Variants in KRT7 observed in about 807,000 individuals in gnomAD.
KRT7 encodes keratin 7, also known as keratin, type II cytoskeletal 7.
KRT7 carries 50 observed loss-of-function variants against 42.8 expected under a neutral mutation model. The observed-to-expected ratio is 1.17, with a 90% CI of 0.93 to 1.48. The LOEUF (loss-of-function observed/expected upper bound fraction) is 1.48. KRT7 is among the 40% of genes most tolerant of loss of function. KRT7 has a pLI of 0.00. For missense variants in KRT7, 588 were observed against 637.6 expected, an observed-to-expected ratio of 0.92 and a Z score of 0.84; for synonymous variants, 268 against 266.3, an observed-to-expected ratio of 1.01 and a Z score of -0.06.
chr12:52,255,778 C>T (rs1299361807), downstream of KRT7, among the ~76,000 whole-genome samples: 1 of 152,222 alleles, frequency 6.6e-6, no homozygotes, highest in Non-Finnish European at 1.5e-5. Context: ...CAGAGCCCAA[C>T]ATAGCACCTA....
downstream of KRT7, chr12:52,250,525 C>T (rs555607269): frequency 1.3e-5 from 11 of 863,480 alleles, no homozygotes; most frequent in East Asian, 1.6e-4. Flanking sequence ...GCACACAGGC[C>T]GGTGCTCACC....
downstream of KRT7, among the ~76,000 whole-genome samples, chr12:52,255,050 G>T (rs1639055851): frequency 6.6e-6 from 1 of 152,204 alleles, no homozygotes; most frequent in Non-Finnish European, 1.5e-5. Context: ...CCAGGCGCAG[G>T]GCCGAAGGAG....
At chr12:52,250,535 C>G, downstream of KRT7, 1 of 1,035,256 alleles carries the variant, frequency 9.7e-7, no homozygotes, top group Non-Finnish European at 1.4e-6. Context: ...CGGTGCTCAC[C>G]GCCACGTTCC....
In KRT7 at chr12:52,233,280, A is replaced by G. The variant is rs774713119; in HGVS notation, c.-17A>G. ...CTCCTCCTCGCCCGCCGCTAGGTCC[A>G]TCCCGGCCCAGCCACCATGTCCATC... is the stretch of plus-strand genomic sequence containing the variant. On this transcript the variant is annotated 5_prime_UTR_variant, in exon 1 of 9. Coordinates refer to ENST00000331817, the MANE Select transcript of KRT7 (RefSeq NM_005556.4). 4.6e-6 allele frequency: 7 copies of G among 1,530,762 alleles called. No individual in the cohort carries two copies. In the East Asian group the frequency reaches 1.9e-4, roughly 41 times the overall value. The allele number at this position is 1,530,762 out of a possible 1,614,324, so 94.8% of individuals were successfully genotyped here. A position where few individuals can be genotyped will look rare whatever the true frequency, so the allele number is the denominator to read the frequency against.
intron 3 of KRT7, among the ~76,000 whole-genome samples, chr12:52,238,085 G>A (rs1942035441): frequency 6.6e-6 from 1 of 152,132 alleles, no homozygotes; most frequent in South Asian, 2.1e-4. Context: ...CCACAGAATT[G>A]CAACTTGCCC....
chr12:52,235,447 CT>C, intron 2 of KRT7, 81 bp downstream of exon 2: 1 of 1,235,268 alleles, frequency 8.1e-7, no homozygotes, highest in Middle Eastern at 2.8e-4. Flanking sequence ...GCAAGTCCCC[CT>C]GCTTCAGGAA....
chr12:52,252,146 A>G (rs2121129482), downstream of KRT7: 1 of 1,298,976 alleles, frequency 7.7e-7, no homozygotes. Flanking sequence ...TCCTCCAATT[A>G]GCGTTGATGC....
intron 6 of KRT7, chr12:52,245,167 A>G (rs187861526): frequency 2.3e-4 from 129 of 564,046 alleles, no homozygotes; most frequent in Middle Eastern, 1.8e-3. Flanking sequence ...AAAAGAGGGG[A>G]CTTTGGCTTA....
intron 6 of KRT7, among the ~76,000 whole-genome samples, chr12:52,244,835 G>A (rs1942144778): frequency 1.3e-5 from 2 of 152,228 alleles, no homozygotes; most frequent in East Asian, 1.9e-4. Context: ...GCATCTCATG[G>A]CATCTGGGGG....
chr12:52,242,806 G>A (rs1245748741), intron 5 of KRT7, among the ~76,000 whole-genome samples: 1 of 152,176 alleles, frequency 6.6e-6, no homozygotes, highest in Non-Finnish European at 1.5e-5. Flanking sequence ...GCGGAGCCTT[G>A]TCTGTCCTCC....
chr12:52,247,026 C>G (rs1367551197), intron 7 of KRT7, among the ~76,000 whole-genome samples: 1 of 152,136 alleles, frequency 6.6e-6, no homozygotes, highest in Non-Finnish European at 1.5e-5. Context: ...TCCGGGTACT[C>G]TGAGAGGATA....
At chr12:52,246,280 C>T (rs757623755) in intron 7 of KRT7, 2 of 152,228 alleles carry the variant, frequency 1.3e-5, no homozygotes, top group Non-Finnish European at 2.9e-5. Flanking sequence ...CGAACTCAAC[C>T]TCTTCATTCT....
chr12:52,244,444 G>C (rs1038045399), intron 6 of KRT7: 1 of 985,718 alleles, frequency 1.0e-6, no homozygotes, highest in African/African-American at 1.7e-5. Context: ...GGGGTCTCCA[G>C]AGGCAGCGGG....
chr12:52,251,936 TAA>T, downstream of KRT7: 1 of 527,128 alleles, frequency 1.9e-6, no homozygotes, highest in African/African-American at 1.9e-5. Context: ...CCCACGAGCC[TAA>T]AGTTTTTACT....
At chr12:52,252,095 G>C (rs755949753), downstream of KRT7, 2 of 910,632 alleles carry the variant, frequency 2.2e-6, 1 homozygote, top group South Asian at 2.8e-5. Context: ...ATTAGTTGTG[G>C]GGAGCAAAGC....
downstream of KRT7, chr12:52,253,228 C>T (rs1418540398): frequency 6.2e-7 from 1 of 1,608,954 alleles, no homozygotes; most frequent in Admixed American, 1.7e-5. Context: ...ACTTGGCGTT[C>T]TCCACCTCGG....
downstream of KRT7, chr12:52,250,573 CCGTCACCGGCCGGGAGCCCGACACG>C (rs1319680277): frequency 7.9e-7 from 1 of 1,258,620 alleles, no homozygotes; most frequent in Non-Finnish European, 1.1e-6. Context: ...CAGACGCTGC[CCGTCACCGGCCGGGAGCCCGACACG>C]CACAGGTCCC....
downstream of KRT7, chr12:52,252,434 C>T: frequency 1.2e-6 from 2 of 1,614,176 alleles, no homozygotes; most frequent in Non-Finnish European, 1.7e-6. Flanking sequence ...TGAGGGCCGC[C>T]TCACCCTGCT....
chr12:52,238,669 C>A lies in KRT7; in HGVS notation c.598-11C>A. The A allele has an allele frequency of 6.3e-7, 1 of 1,598,604 alleles. No individual in the cohort carries two copies. Among genetic ancestry groups the A allele is most frequent in the Non-Finnish European group, 8.6e-7 (1 of 1,165,806 alleles). ...TGGTCTCCCTCTGCCCCATCTTGCC[C>A]CAACCCCCAGGATGTGGATGCTGCC... On this transcript the variant is annotated splice_polypyrimidine_tract_variant and intron_variant, in intron 3 of 8. Coordinates refer to ENST00000331817, the MANE Select transcript of KRT7 (RefSeq NM_005556.4).
Sources: gnomAD v4.1 joint callset for allele counts (sites outside exome capture counted in the v4.1 genomes callset) on GRCh38, gnomAD v4.1.1 for gene constraint, MANE v1.5 for transcripts, NCBI Gene and HGNC (gene_info 2026-07-23, HGNC 2026-07-21) for gene names.